CDK8: variants seen among roughly 807,000 people sequenced by gnomAD.
The protein encoded by CDK8 is cyclin-dependent kinase 8.
In CDK8, 29 loss-of-function variants were observed where a neutral mutation model predicts 71.5. That is an observed-to-expected ratio of 0.41 (90% CI 0.30 to 0.55). CDK8 has a LOEUF of 0.55. Ranked by LOEUF, CDK8 falls within the 20% of genes least tolerant of loss-of-function variation. The pLI, the probability that CDK8 is intolerant of heterozygous loss-of-function variation, is 0.37. For missense variants in CDK8, 288 were observed against 572.6 expected, an observed-to-expected ratio of 0.50 and a Z score of 5.07; for synonymous variants, 161 against 192.1, an observed-to-expected ratio of 0.84 and a Z score of 1.34.
chr13:26,364,717 G>A (rs1874304036), intron 4 of CDK8, among the ~76,000 whole-genome samples: 1 of 152,078 alleles, frequency 6.6e-6, no homozygotes, highest in South Asian at 2.1e-4. Flanking sequence ...GTTCATTGTG[G>A]TTTAGTATAT....
intron 2 of CDK8, among the ~76,000 whole-genome samples, chr13:26,343,241 CTGTT>C (rs932501633): frequency 6.6e-6 from 1 of 152,188 alleles, no homozygotes; most frequent in African/African-American, 2.4e-5. Context: ...ACACACCAGG[CTGTT>C]TGTAGCCTAT....
At chr13:26,342,518 G>A (rs988453252) in intron 2 of CDK8, among the ~76,000 whole-genome samples, 1 of 152,124 alleles carries the variant, frequency 6.6e-6, no homozygotes, top group Non-Finnish European at 1.5e-5. Flanking sequence ...TTTGTAAAAT[G>A]GGACAGTGCC....
intron 1 of CDK8, among the ~76,000 whole-genome samples, chr13:26,329,001 C>G (rs1349114006): frequency 2.0e-5 from 3 of 152,166 alleles, no homozygotes; most frequent in Admixed American, 6.5e-5. Context: ...TGGTTCTTGG[C>G]TTTCTTCACT....
At chr13:26,264,720 C>G (rs1871946268) in intron 1 of CDK8, among the ~76,000 whole-genome samples, 1 of 152,092 alleles carries the variant, frequency 6.6e-6, no homozygotes, top group Non-Finnish European at 1.5e-5. Context: ...TTCTCCTCCT[C>G]TCCTCCCTCC....
chr13:26,346,121 A>G (rs921781026), intron 2 of CDK8, among the ~76,000 whole-genome samples: 12 of 152,178 alleles, frequency 7.9e-5, no homozygotes, highest in Non-Finnish European at 1.5e-4. Context: ...TGCTGGTTCT[A>G]CCACTTCCTA....
At chr13:26,396,106 G>T in intron 7 of CDK8, 179 bp from the exon 8 acceptor site, 1 of 329,628 alleles carries the variant, frequency 3.0e-6, no homozygotes. Context: ...TTATATAAGG[G>T]ATAAGGAATT....
At chr13:26,313,418 C>G (rs77184232) in intron 1 of CDK8, among the ~76,000 whole-genome samples, 1 of 152,122 alleles carries the variant, frequency 6.6e-6, no homozygotes, top group Non-Finnish European at 1.5e-5. Flanking sequence ...ACTTTCATGT[C>G]GAGTTGAATG....
intron 1 of CDK8, among the ~76,000 whole-genome samples, chr13:26,306,293 G>T (rs1051751231): frequency 4.6e-5 from 7 of 152,062 alleles, no homozygotes; most frequent in African/African-American, 1.7e-4. Context: ...TATCTGCTGA[G>T]CCCTACAAGA....
At chr13:26,341,871 C>CAT (rs142612228) in intron 2 of CDK8, among the ~76,000 whole-genome samples, 8,975 of 151,594 alleles carry the variant, frequency 0.059, 886 homozygotes, top group African/African-American at 0.21. Context: ...ATTGGGAAAA[C>CAT]AGGTGGTTTC....
chr13:26,375,737 CA>C (rs913389279), intron 4 of CDK8, among the ~76,000 whole-genome samples: 1 of 152,114 alleles, frequency 6.6e-6, no homozygotes, highest in Non-Finnish European at 1.5e-5. Flanking sequence ...GGCTGTAGAA[CA>C]GAATGAAGAT....
chr13:26,365,768 C>T (rs996938614), intron 4 of CDK8, among the ~76,000 whole-genome samples: 2 of 151,822 alleles, frequency 1.3e-5, no homozygotes, highest in Non-Finnish European at 2.9e-5. Flanking sequence ...TTCCAAAAAC[C>T]TGGACAGATA....
At chr13:26,403,787 G>T (rs920641273) in intron 12 of CDK8, among the ~76,000 whole-genome samples, 169 bp from the exon 13 acceptor site, 2 of 152,200 alleles carry the variant, frequency 1.3e-5, no homozygotes, top group African/African-American at 4.8e-5. Flanking sequence ...CTCAAGAGAA[G>T]AGGATGTTAA....
rs1247235589 is a variant in CDK8, at chr13:26,373,105, TTCCTC to T, written c.457-9707_457-9703del. Among the ~76,000 whole-genome samples, 17 of 152,204 alleles carry T rather than the reference TTCCTC, an allele frequency of 1.1e-4. 1 individual carries two copies. Among genetic ancestry groups the T allele is most frequent in the Admixed American group, 1.1e-3 (17 of 15,282 alleles). ...AGGTACCACATACGTAAGTAACCCT[TTCCTC>T]TGGCTAGTTCCTTCTCATCCTTCAA... is the stretch of plus-strand genomic sequence containing the variant. On this transcript the variant is annotated intron_variant, in intron 4 of 12. Coordinates refer to ENST00000381527, the MANE Select transcript of CDK8 (RefSeq NM_001260.3).
intron 1 of CDK8, among the ~76,000 whole-genome samples, chr13:26,337,043 A>G (rs1352051343): frequency 6.8e-6 from 1 of 146,628 alleles, no homozygotes; most frequent in Non-Finnish European, 1.5e-5. Flanking sequence ...AGTTCTGGGT[A>G]CATAGTAAGT....
At position 26,404,701 on chromosome 13, in the gene CDK8, A is replaced by C. The variant is rs1255174404; in HGVS notation, c.*620A>C. ...TTCCAGAAAGGTTTCAAAACTCCCA[A>C]AGATTAACTTCCAACTTATAAGTTT... On this transcript the variant is annotated 3_prime_UTR_variant, in exon 13 of 13. Transcript: ENST00000381527. The C allele has an allele frequency of 4.4e-6, 1 of 228,178 alleles. No homozygotes were observed. Among genetic ancestry groups the C allele is most frequent in the Non-Finnish European group, 8.7e-6 (1 of 115,088 alleles). 14.1% of individuals were successfully genotyped at this position (228,178 alleles called of 1,614,324 possible). A position where few individuals can be genotyped will look rare whatever the true frequency, so the allele number is the denominator to read the frequency against.
intron 1 of CDK8, among the ~76,000 whole-genome samples, chr13:26,325,154 C>T (rs971422995): frequency 1.1e-4 from 17 of 152,302 alleles, no homozygotes; most frequent in African/African-American, 3.6e-4. Flanking sequence ...GAGATTATAA[C>T]AGTGCCAAGC....
chr13:26,337,583 T>C lies in CDK8; in HGVS notation c.145T>C (p.Tyr49His), dbSNP rs1873047717. Residue 49 changes from tyrosine to histidine, a missense_variant, in exon 2 of 13, where the codon TAT becomes CAT. Physicochemically the swap from Tyr to His is moderately conservative, Grantham distance 83. Transcript: ENST00000381527. ...KRKDGKDDKD[Y>H]ALKQIEGTGI... Reference sequence around the variant, plus strand: ...TTTTTACAGGAAGGATGATAAAGACTATGCTTTAAAACAAATAGAAGGAAC... The same window carrying C: ...TTTTTACAGGAAGGATGATAAAGACCATGCTTTAAAACAAATAGAAGGAAC... The C allele has an allele frequency of 6.9e-7, 1 of 1,454,356 alleles. No individual in the cohort carries two copies. The highest frequency in any genetic ancestry group is 9.1e-7 in the Non-Finnish European group (1 of 1,097,650). 90.1% of individuals were successfully genotyped at this position (1,454,356 alleles called of 1,614,324 possible).
rs1555231154 is a variant in CDK8 at position 26,339,756 on chromosome 13, A to AAATAT, written c.204+2115_204+2116insATATA. Among the ~76,000 whole-genome samples the AAATAT allele has an allele frequency of 5.6e-3, 803 of 142,974 alleles. 14 individuals are homozygous for AAATAT. Among genetic ancestry groups the AAATAT allele is most frequent in the African/African-American group, 0.019 (760 of 39,198 alleles). 93.8% of individuals were successfully genotyped at this position (142,974 alleles called of 152,430 possible). On this transcript the variant is annotated intron_variant, in intron 2 of 12. Coordinates refer to ENST00000381527, the MANE Select transcript of CDK8 (RefSeq NM_001260.3). Reference sequence around the variant, plus strand: ...TATTTATATAATTACTTAAAAAAAAAATATATATATATATATAGTGTAGTA... The same window carrying AAATAT: ...TATTTATATAATTACTTAAAAAAAAAAATATATATATATATATATATAGTGTAGTA...
chr13:26,298,677 G>A (rs115986926), intron 1 of CDK8, among the ~76,000 whole-genome samples: 1,706 of 152,174 alleles, frequency 0.011, 33 homozygotes, highest in African/African-American at 0.039. Flanking sequence ...TTAGTTGTGC[G>A]AAAACCATTT....
Sources: gnomAD v4.1 joint callset for allele counts (sites outside exome capture counted in the v4.1 genomes callset) on GRCh38, gnomAD v4.1.1 for gene constraint, MANE v1.5 for transcripts, NCBI Gene and HGNC (gene_info 2026-07-23, HGNC 2026-07-21) for gene names.